ADGRV1: variants seen among roughly 807,000 people sequenced by gnomAD.
The protein encoded by ADGRV1 is G-protein coupled receptor 98.
ADGRV1 carries 359 observed loss-of-function variants against 596.2 expected under a neutral mutation model. That is an observed-to-expected ratio of 0.60 (90% CI 0.55 to 0.66). The LOEUF (loss-of-function observed/expected upper bound fraction) is 0.66. Among genes scored for constraint, ADGRV1 ranks in the 30% least tolerant of loss-of-function variants. ADGRV1 has a pLI of 0.00. For synonymous variants in ADGRV1, 2,681 were observed against 2,679.2 expected (o/e 1.00, Z -0.02); for missense variants, 7,274 against 7,575.6 (o/e 0.96, Z 1.48).
At chr5:90,889,425 A>G (rs1770598255) in intron 83 of ADGRV1, among the ~76,000 whole-genome samples, 1 of 152,114 alleles carries the variant, frequency 6.6e-6, no homozygotes, top group Non-Finnish European at 1.5e-5. Flanking sequence ...GGGAATGAGG[A>G]AGAGCTCAGG....
chr5:90,809,402 A>G (rs531950835), intron 73 of ADGRV1, among the ~76,000 whole-genome samples: 1 of 152,128 alleles, frequency 6.6e-6, no homozygotes, highest in Admixed American at 6.5e-5. Flanking sequence ...ATAGATGACG[A>G]AAGTCATAGA....
rs369875232 is a variant in ADGRV1, at chr5:90,724,783, A to G, written c.9749-49A>G. On this transcript the variant is annotated intron_variant, in intron 45 of 89. Coordinates refer to ENST00000405460, the MANE Select transcript of ADGRV1 (RefSeq NM_032119.4). The stretch of plus-strand genomic sequence containing the variant: ...TTTAAACAATAAATTAGAATAGATA[A>G]GTTTTTGAAGGAGTAATAAACTAGT... 389 of 1,517,580 alleles carry G rather than the reference A, an allele frequency of 2.6e-4. 1 individual carries two copies. The highest frequency in any genetic ancestry group is 3.4e-4 in the Non-Finnish European group (375 of 1,096,788). The allele number at this position is 1,517,580 out of a possible 1,614,324, so 94.0% of individuals were successfully genotyped here.
In ADGRV1 at chr5:91,153,332, C is replaced by T. The variant is rs1796214000; in HGVS notation, c.18736C>T (p.Gln6246Ter). 1 of 1,612,520 alleles carries T rather than the reference C, an allele frequency of 6.2e-7. No homozygotes were observed. The highest frequency in any genetic ancestry group is 8.5e-7 in the Non-Finnish European group (1 of 1,179,374). ...GTTCCCGTCCTCTGGAGGATATGGC[C>T]AGGGGTCACTGATAGCCGATGAGGA... is the stretch of plus-strand genomic sequence containing the variant. ...ATFPSSGGYG[Q>*]GSLIADEESQ... Residue 6246 changes from glutamine to a stop codon, truncating the protein, a stop_gained, in exon 89 of 90, where the codon CAG becomes TAG. Transcript: ENST00000405460. LOFTEE classifies it high-confidence loss of function.
intron 22 of ADGRV1, among the ~76,000 whole-genome samples, chr5:90,673,785 T>C (rs1176712624): frequency 6.6e-6 from 1 of 152,108 alleles, no homozygotes; most frequent in East Asian, 1.9e-4. Context: ...ACATAGGAAT[T>C]TGGGGGACAG....
intron 21 of ADGRV1, among the ~76,000 whole-genome samples, chr5:90,662,864 T>C (rs1242771341): frequency 1.3e-5 from 2 of 152,024 alleles, no homozygotes; most frequent in Admixed American, 6.6e-5. Context: ...ATGTGGTGTT[T>C]GGTTTTTTGT....
intron 85 of ADGRV1, chr5:91,031,059 T>A: frequency 6.6e-7 from 1 of 1,506,732 alleles, no homozygotes; most frequent in East Asian, 2.3e-5. Context: ...TGCAAATAAC[T>A]GCCAATCATA....
chr5:90,898,961 A>C (rs1206369661), intron 83 of ADGRV1, among the ~76,000 whole-genome samples: 3 of 152,090 alleles, frequency 2.0e-5, no homozygotes, highest in Admixed American at 6.6e-5. Context: ...AAATAAAATA[A>C]AATAAAATAA....
intron 82 of ADGRV1, among the ~76,000 whole-genome samples, chr5:90,863,474 G>A (rs1002395423): frequency 6.6e-6 from 1 of 152,104 alleles, no homozygotes; most frequent in African/African-American, 2.4e-5. Flanking sequence ...AGATAAAAAA[G>A]GGGTAATTAC....
chr5:90,696,844 A>C, intron 33 of ADGRV1, 93 bp from the exon 34 acceptor site: 1 of 845,986 alleles, frequency 1.2e-6, no homozygotes. Flanking sequence ...TTTTTATTTA[A>C]CTTTTAAACA....
intron 70 of ADGRV1, among the ~76,000 whole-genome samples, chr5:90,796,911 C>T (rs886124821): frequency 1.2e-4 from 19 of 152,226 alleles, no homozygotes; most frequent in African/African-American, 3.4e-4. Context: ...CCTTTACAGA[C>T]GAGCAAATGC....
At chr5:91,069,943 AT>A (rs1359803837) in intron 85 of ADGRV1, among the ~76,000 whole-genome samples, 6 of 151,438 alleles carry the variant, frequency 4.0e-5, no homozygotes, top group African/African-American at 1.2e-4. Flanking sequence ...AAAAAAAAAA[AT>A]GAAATCATGT....
chr5:90,721,035 G>T lies in ADGRV1; in HGVS notation c.9724G>T (p.Val3242Leu). The T allele has an allele frequency of 6.2e-7, 1 of 1,612,064 alleles. No individual in the cohort carries two copies. The highest frequency in any genetic ancestry group is 8.5e-7 in the Non-Finnish European group (1 of 1,178,758). ...GGCTGTGAGTGTGCAGTGGGAGACA[G>T]TATCTGAAACAGCCTTTGGCATGAG... ...DLAVSVQWET[V>L]SETAFGMRGM... Residue 3242 changes from valine to leucine, a missense_variant, in exon 45 of 90, where the codon GTA becomes TTA. Coordinates refer to ENST00000405460, the MANE Select transcript of ADGRV1 (RefSeq NM_032119.4).
At chr5:90,894,990 A>G (rs556348260) in intron 83 of ADGRV1, among the ~76,000 whole-genome samples, 2 of 152,030 alleles carry the variant, frequency 1.3e-5, no homozygotes, top group African/African-American at 2.4e-5. Context: ...GTGCAGTGGC[A>G]TGATCACGGC....
In ADGRV1 at chr5:90,627,593, C is replaced by T. The variant is rs765574676; in HGVS notation, c.1055C>T (p.Pro352Leu). The T allele has an allele frequency of 2.2e-5, 36 of 1,613,700 alleles. No individual in the cohort carries two copies. The highest frequency in any genetic ancestry group is 1.6e-4 in the Middle Eastern group (1 of 6,084). The change falls in exon 7 of 90, where the codon CCG becomes CTG. Residue 352 changes from proline (P) to leucine (L), a missense_variant. Coordinates refer to ENST00000405460, the MANE Select transcript of ADGRV1 (RefSeq NM_032119.4). ...LKFQIVDDTI[P>L]EIAESFHIML... is the part of the protein sequence containing the mutation. Reference sequence around the variant, plus strand: ...TTTCAAATAGTTGATGACACCATACCGGAGATTGCTGAATCGTTTCACATT... The same window carrying T: ...TTTCAAATAGTTGATGACACCATACTGGAGATTGCTGAATCGTTTCACATT...
At chr5:90,755,492 A>C (rs563074001) in intron 55 of ADGRV1, among the ~76,000 whole-genome samples, 6 of 152,080 alleles carry the variant, frequency 3.9e-5, no homozygotes, top group African/African-American at 1.4e-4. Context: ...TTGTTTTGTC[A>C]GTTTTTAAAC....
intron 85 of ADGRV1, among the ~76,000 whole-genome samples, chr5:91,034,413 T>C (rs1027832951): frequency 1.4e-4 from 21 of 152,342 alleles, no homozygotes; most frequent in African/African-American, 5.0e-4. Context: ...TATGTCATGG[T>C]AGATTATTAA....
At position 90,627,774 on chromosome 5, in the gene ADGRV1, A is replaced by C; in HGVS notation, c.1236A>C (p.Ser412=). The C allele has an allele frequency of 6.8e-7, 1 of 1,480,386 alleles. No individual in the cohort carries two copies. Among genetic ancestry groups the C allele is most frequent in the Non-Finnish European group, 9.1e-7 (1 of 1,101,898 alleles). The allele number at this position is 1,480,386 out of a possible 1,614,324, so 91.7% of individuals were successfully genotyped here. ...RTVIIDEDRI[S]RYEEITVVRN... is the part of the protein sequence containing the mutation. ...TTATAATTGATGAAGATAGAATATC[A>C]AGGTATGATTTATTTTAAATATATT... is the stretch of plus-strand genomic sequence containing the variant. The change falls in exon 7 of 90, where the codon TCA becomes TCC. Residue 412 remains serine, a splice_region_variant and synonymous_variant. Transcript: ENST00000405460.
intron 1 of ADGRV1, chr5:90,614,267 A>G (rs1004150187): frequency 3.6e-5 from 13 of 358,314 alleles, no homozygotes; most frequent in African/African-American, 2.7e-4. Flanking sequence ...TTTAGCTAGT[A>G]AAATGAAAGA....
chr5:91,031,114 C>T (rs759133091), intron 85 of ADGRV1: 1 of 1,381,592 alleles, frequency 7.2e-7, no homozygotes, highest in South Asian at 1.2e-5. Flanking sequence ...AGCTCTTGTA[C>T]ACAAGTAAAA....
Sources: allele counts gnomAD v4.1 joint callset (sites outside exome capture counted in the v4.1 genomes callset), GRCh38; gene constraint gnomAD v4.1.1; transcripts MANE v1.5; gene names NCBI Gene and HGNC (gene_info 2026-07-23, HGNC 2026-07-21).